Variants in RIT2 observed in about 807,000 individuals in gnomAD.
RIT2 encodes the protein GTP-binding protein Rit2.
In RIT2, 24 loss-of-function variants were observed where a neutral mutation model predicts 23.7. The ratio of observed to expected loss-of-function variants is 1.01; its 90% CI spans 0.73 to 1.43. The LOEUF (loss-of-function observed/expected upper bound fraction) is 1.43, where lower values mean the gene tolerates loss of function less well. RIT2 is among the 40% of genes most tolerant of loss of function. The pLI, the probability that RIT2 is intolerant of heterozygous loss-of-function variation, is 0.00. For missense variants in RIT2, 236 were observed against 266.9 expected (o/e 0.88, Z 0.81); for synonymous variants, 107 against 91.1 (o/e 1.17, Z -0.99).
chr18:42,798,388 G>A (rs1405767252), intron 4 of RIT2, among the ~76,000 whole-genome samples: 1 of 152,142 alleles, frequency 6.6e-6, no homozygotes, highest in Non-Finnish European at 1.5e-5. Flanking sequence ...TTTCTGGCAA[G>A]CAACAGTCTC....
At chr18:42,845,074 T>C (rs1301388332) in intron 4 of RIT2, among the ~76,000 whole-genome samples, 1 of 151,890 alleles carries the variant, frequency 6.6e-6, no homozygotes, top group Non-Finnish European at 1.5e-5. Context: ...CTTAGAATAT[T>C]AAAATTAAGA....
chr18:42,888,246 A>G (rs1244365827), intron 4 of RIT2, among the ~76,000 whole-genome samples: 2 of 152,020 alleles, frequency 1.3e-5, no homozygotes, highest in African/African-American at 4.8e-5. Flanking sequence ...GAAGGCAGAA[A>G]GTATATGGGA....
At chr18:42,918,553 C>G (rs1454427865) in intron 4 of RIT2, among the ~76,000 whole-genome samples, 1 of 151,984 alleles carries the variant, frequency 6.6e-6, no homozygotes, top group Non-Finnish European at 1.5e-5. Context: ...TTCCAATGCA[C>G]TGATGATGAA....
At chr18:42,933,244 T>G (rs1909370742) in intron 3 of RIT2, among the ~76,000 whole-genome samples, 1 of 152,136 alleles carries the variant, frequency 6.6e-6, no homozygotes, top group Admixed American at 6.5e-5. Context: ...TGAATACTAA[T>G]GAGGTACATC....
intron 2 of RIT2, among the ~76,000 whole-genome samples, chr18:42,988,285 T>C (rs954788907): frequency 6.6e-5 from 10 of 152,198 alleles, no homozygotes; most frequent in African/African-American, 2.4e-4. Context: ...ATATTCACTT[T>C]CTCTAACTGT....
In RIT2 at chr18:42,750,021, C is replaced by A. The variant is rs181933913; in HGVS notation, c.427-6301G>T. ...TGCTATATATTAATACAATGTGATG[C>A]TGTTCAATGTAAATAAATGACATAC... is the stretch of plus-strand genomic sequence containing the variant. On this transcript the variant is annotated intron_variant, in intron 4 of 4. Transcript: ENST00000326695. 2.6e-5 allele frequency among the ~76,000 whole-genome samples: 4 copies of A among 151,862 alleles called. No individual in the cohort carries two copies. In the East Asian group the frequency reaches 7.7e-4, roughly 29 times the overall value.
intron 4 of RIT2, among the ~76,000 whole-genome samples, chr18:42,890,753 G>A (rs1278650199): frequency 6.6e-6 from 1 of 151,908 alleles, no homozygotes; most frequent in East Asian, 1.9e-4. Flanking sequence ...TTTCAGCTAT[G>A]TTGCCAAGTC....
chr18:43,110,208 T>G (rs542308401), intron 1 of RIT2, among the ~76,000 whole-genome samples: 2 of 152,098 alleles, frequency 1.3e-5, no homozygotes, highest in East Asian at 3.9e-4. Flanking sequence ...TTATGTTAAG[T>G]GTATGCCTGT....
chr18:42,743,933 T>C (rs542688087), intron 4 of RIT2, among the ~76,000 whole-genome samples: 2 of 152,218 alleles, frequency 1.3e-5, no homozygotes, highest in East Asian at 3.9e-4. Context: ...CTGATTACAT[T>C]CCACCACAAA....
chr18:43,011,312 A>T (rs1181663090), intron 2 of RIT2, among the ~76,000 whole-genome samples: 1 of 151,720 alleles, frequency 6.6e-6, no homozygotes, highest in African/African-American at 2.4e-5. Context: ...CAGGAGCTGC[A>T]TCATGCAACC....
chr18:42,898,823 A>C (rs1329590178), intron 4 of RIT2, among the ~76,000 whole-genome samples: 3 of 152,134 alleles, frequency 2.0e-5, no homozygotes, highest in African/African-American at 4.8e-5. Flanking sequence ...AGAGTCTCTC[A>C]ATTTAGACTC....
intron 1 of RIT2, among the ~76,000 whole-genome samples, chr18:43,084,059 CA>C (rs1377808574): frequency 6.6e-6 from 1 of 152,048 alleles, no homozygotes; most frequent in African/African-American, 2.4e-5. Context: ...ACAACCCCAT[CA>C]AAAAGTGGGC....
At chr18:42,920,660 C>G in intron 4 of RIT2, 1 of 1,452,728 alleles carries the variant, frequency 6.9e-7, no homozygotes, top group Non-Finnish European at 9.5e-7. Context: ...CCTGGGATTT[C>G]CCAAAATGCA....
intron 2 of RIT2, among the ~76,000 whole-genome samples, chr18:43,015,926 C>G (rs1911464617): frequency 6.6e-6 from 1 of 151,742 alleles, no homozygotes; most frequent in Admixed American, 6.6e-5. Flanking sequence ...ACTTGTAACC[C>G]CTGTCTATCT....
In RIT2 at chr18:42,996,542, A is replaced by C. The variant is rs4510112; in HGVS notation, c.161-22395T>G. On this transcript the variant is annotated intron_variant, in intron 2 of 4. Coordinates refer to ENST00000326695, the MANE Select transcript of RIT2 (RefSeq NM_002930.4). ...CCTGTTTCTGCCTTAACTGATGACA[A>C]TATCTTGTGAAATTCCTTCTCCTGG... Among the ~76,000 whole-genome samples, 5 of 152,060 alleles carry C rather than the reference A, an allele frequency of 3.3e-5. No individual in the cohort carries two copies. In the East Asian group the frequency reaches 9.7e-4, roughly 30 times the overall value.
chr18:42,827,669 G>T lies in RIT2; in HGVS notation c.427-83949C>A, dbSNP rs532370399. On this transcript the variant is annotated intron_variant, in intron 4 of 4. Coordinates refer to ENST00000326695, the MANE Select transcript of RIT2 (RefSeq NM_002930.4). ...TAGGCAATTCAAATAAGAATAAAAT[G>T]GAATGGTCAATAAACATATAAAGAT... Among the ~76,000 whole-genome samples the T allele has an allele frequency of 2.8e-4, 43 of 152,176 alleles. 1 individual carries two copies. In the South Asian group the frequency reaches 8.7e-3, roughly 31 times the overall value.
chr18:43,001,957 G>C (rs916220152), intron 2 of RIT2, among the ~76,000 whole-genome samples: 4 of 151,986 alleles, frequency 2.6e-5, no homozygotes, highest in African/African-American at 9.7e-5. Context: ...TATCTAGAGG[G>C]ACAGGACTAA....
At chr18:43,104,600 T>G (rs1054821825) in intron 1 of RIT2, among the ~76,000 whole-genome samples, 19 of 152,192 alleles carry the variant, frequency 1.2e-4, no homozygotes, top group African/African-American at 4.3e-4. Context: ...TATTCCAGAC[T>G]TCTGTTACTC....
chr18:42,797,639 C>T (rs924208127), intron 4 of RIT2, among the ~76,000 whole-genome samples: 2 of 152,152 alleles, frequency 1.3e-5, no homozygotes, highest in Non-Finnish European at 2.9e-5. Flanking sequence ...AGGACCATTT[C>T]CTGAGTCACT....
Sources: allele counts gnomAD v4.1 joint callset (sites outside exome capture counted in the v4.1 genomes callset), GRCh38; gene constraint gnomAD v4.1.1; transcripts MANE v1.5; gene names NCBI Gene and HGNC (gene_info 2026-07-23, HGNC 2026-07-21).